The following CIMIP2A variants were observed in gnomAD, a reference collection of about 807,000 sequenced individuals.
CIMIP2A encodes the protein ciliary microtubule inner protein 2A, also known as family with sequence similarity 166 member A.
the CIMIP2A span, chr9:137,244,687 G>T: frequency 6.2e-7 from 1 of 1,613,808 alleles, no homozygotes; most frequent in Non-Finnish European, 8.5e-7. Flanking sequence ...CGCCGTCTCG[G>T]TAATTCAACC....
At chr9:137,248,570 G>T in the CIMIP2A span, among the ~76,000 whole-genome samples, 1 of 147,916 alleles carries the variant, frequency 6.8e-6, no homozygotes, top group Non-Finnish European at 1.5e-5. Flanking sequence ...AAGAAAGAAA[G>T]AAGAAAGGCT....
chr9:137,244,362 GC>G, the CIMIP2A span: 2 of 1,603,086 alleles, frequency 1.2e-6, no homozygotes, highest in Non-Finnish European at 8.5e-7. Context: ...CCCAGTGGGG[GC>G]CTGGCCGGAG....
the CIMIP2A span, chr9:137,250,631 C>G: frequency 6.5e-6 from 1 of 154,632 alleles, no homozygotes; most frequent in Admixed American, 6.3e-5. Context: ...CTTGCTCACA[C>G]AGGCTGGCTG....
chr9:137,251,961 T>C, the CIMIP2A span: 1 of 1,599,918 alleles, frequency 6.3e-7, no homozygotes, highest in East Asian at 2.3e-5. Context: ...AGGGGCCCGC[T>C]GAAAGGAGCC....
At chr9:137,250,468 A>C in the CIMIP2A span, 1 of 152,356 alleles carries the variant, frequency 6.6e-6, no homozygotes, top group Non-Finnish European at 1.5e-5. Flanking sequence ...CCAGTGCTGA[A>C]GGGGAGGCAT....
the CIMIP2A span, chr9:137,251,700 C>T: frequency 6.5e-7 from 1 of 1,548,550 alleles, no homozygotes; most frequent in Non-Finnish European, 8.7e-7. Context: ...CTGGGAGCGG[C>T]CGGGGGCTGA....
the CIMIP2A span, among the ~76,000 whole-genome samples, chr9:137,247,392 T>C: frequency 3.3e-5 from 5 of 152,264 alleles, no homozygotes; most frequent in Admixed American, 3.3e-4. Flanking sequence ...CAGTTTCTGC[T>C]CGACAGACGT....
the CIMIP2A span, chr9:137,243,869 T>C: frequency 1.4e-6 from 2 of 1,464,042 alleles, no homozygotes; most frequent in African/African-American, 1.4e-5. Context: ...TTCAGAGAAG[T>C]GTGGGGCTGC....
the CIMIP2A span, among the ~76,000 whole-genome samples, chr9:137,247,476 T>A: frequency 6.6e-6 from 1 of 152,136 alleles, no homozygotes; most frequent in Non-Finnish European, 1.5e-5. Context: ...GGCAACCCCA[T>A]CCCTGAGCTT....
the CIMIP2A span, chr9:137,252,983 G>A: frequency 2.5e-6 from 4 of 1,584,394 alleles, no homozygotes; most frequent in African/African-American, 4.0e-5. Flanking sequence ...GGCCTGGAGA[G>A]AAGAGGGCTA....
At chr9:137,244,178 G>GAACCCCATGTAGAAGGGGATC in the CIMIP2A span, 1 of 1,613,830 alleles carries the variant, frequency 6.2e-7, no homozygotes, top group Non-Finnish European at 8.5e-7. Context: ...CACCGGGGAT[G>GAACCCCATGTAGAAGGGGATC]AACCCCATGT....
chr9:137,245,514 T>TGG, the CIMIP2A span: 2 of 1,613,718 alleles, frequency 1.2e-6, no homozygotes, highest in African/African-American at 1.3e-5. Flanking sequence ...CCTCCAAGGG[T>TGG]GGGAGCTGGC....
chr9:137,252,670 G>C, the CIMIP2A span: 4 of 1,545,408 alleles, frequency 2.6e-6, no homozygotes, highest in Admixed American at 7.9e-5. Flanking sequence ...AGTGGCCCTC[G>C]CCAGCCCACT....
At chr9:137,246,090 C>A in the CIMIP2A span, among the ~76,000 whole-genome samples, 15 of 152,248 alleles carry the variant, frequency 9.9e-5, no homozygotes, top group African/African-American at 3.6e-4. Flanking sequence ...GTCAGCACCA[C>A]AGCAGATGGC....
chr9:137,245,642 T>C, the CIMIP2A span: 67 of 1,607,656 alleles, frequency 4.2e-5, no homozygotes, highest in Middle Eastern at 3.3e-4. Flanking sequence ...AGCTCACTGG[T>C]GTAGTGGGGG....
the CIMIP2A span, chr9:137,250,489 C>T: frequency 2.2e-3 from 342 of 152,500 alleles, no homozygotes; most frequent in Non-Finnish European, 3.2e-3. Flanking sequence ...CCAGAGAGGG[C>T]GGAGGAGGGC....
At chr9:137,247,545 T>TTTCCTGGGGTCCAGCTCTGGGCCC in the CIMIP2A span, 5 of 980,190 alleles carry the variant, frequency 5.1e-6, no homozygotes, top group African/African-American at 8.1e-5. Flanking sequence ...TGGCCTTCAG[T>TTTCCTGGGGTCCAGCTCTGGGCCC]TTCCTGGGGT....
the CIMIP2A span, chr9:137,251,221 G>A: frequency 8.9e-7 from 1 of 1,120,620 alleles, no homozygotes; most frequent in Non-Finnish European, 1.4e-6. Flanking sequence ...CCCAGCAACA[G>A]AGGGGCCTAC....
chr9:137,247,754 C>G, the CIMIP2A span: 14 of 1,598,900 alleles, frequency 8.8e-6, no homozygotes, highest in South Asian at 1.5e-4. Context: ...CAGTCCCTCC[C>G]GGCATCCAGC....
Sources: gnomAD v4.1 joint callset for allele counts (sites outside exome capture counted in the v4.1 genomes callset) on GRCh38, gnomAD v4.1.1 for gene constraint, MANE v1.5 for transcripts, NCBI Gene and HGNC (gene_info 2026-07-23, HGNC 2026-07-21) for gene names.